Variants in SPTBN2 observed in about 807,000 individuals in gnomAD.
The protein encoded by SPTBN2 is spectrin beta, non-erythrocytic 2, also known as spectrin beta chain, non-erythrocytic 2.
In SPTBN2, 107 loss-of-function variants were observed where a neutral mutation model predicts 284.2. The observed-to-expected ratio is 0.38, with a 90% confidence interval of 0.32 to 0.44. The LOEUF (loss-of-function observed/expected upper bound fraction) is 0.44, where lower values mean the gene tolerates loss of function less well. SPTBN2 is among the 20% of genes least tolerant of loss of function. The probability of loss-of-function intolerance (pLI) is 1.00; values close to 1 mark genes in which losing one functional copy is unlikely to be tolerated. For synonymous variants in SPTBN2, 1,289 were observed against 1,354.8 expected, an observed-to-expected ratio of 0.95 and a Z score of 1.07; for missense variants, 2,569 against 3,287.1, an observed-to-expected ratio of 0.78 and a Z score of 5.34.
At position 66,687,132 on chromosome 11, in the gene SPTBN2, C is replaced by G; in HGVS notation, c.6758G>C (p.Gly2253Ala). 1 of 1,614,060 alleles carries G rather than the reference C, an allele frequency of 6.2e-7. No homozygotes were observed. Among genetic ancestry groups the G allele is most frequent in the South Asian group, 1.1e-5 (1 of 91,090 alleles). The change falls in exon 36 of 38, where the codon GGG becomes GCG. Residue 2253 changes from glycine to alanine, a missense_variant. Coordinates refer to ENST00000533211, the MANE Select transcript of SPTBN2 (RefSeq NM_006946.4). The surrounding 1 kb of genome is among the most constrained non-coding windows in gnomAD (Gnocchi z 5.2). ...GGCATCCTTGTAAAAGCCGAGGCTCCCACGCCGCAGGACACAGTACACGTT... is the reference window on the plus strand; with the variant it reads ...GGCATCCTTGTAAAAGCCGAGGCTCGCACGCCGCAGGACACAGTACACGTT... ...WQNVYCVLRR[G>A]SLGFYKDAKA...
chr11:66,715,189 A>G lies in SPTBN2; in HGVS notation c.483+33T>C. 1 of 1,613,980 alleles carries G rather than the reference A, an allele frequency of 6.2e-7. No homozygotes were observed. Among genetic ancestry groups the G allele is most frequent in the South Asian group, 1.1e-5 (1 of 91,078 alleles). ...GCTTGCGGTGCAGAGCCAGGGCAGG[A>G]ACCACACCCTGTGTGACAGTGTGCT... On this transcript the variant is annotated intron_variant, in intron 5 of 37. Transcript: ENST00000533211. This position sits in a 1 kb window ranked among gnomAD's most constrained non-coding sequence, Gnocchi z 5.3.
intron 3 of SPTBN2, among the ~76,000 whole-genome samples, chr11:66,716,772 T>C (rs1218515018): frequency 6.6e-6 from 1 of 152,204 alleles, no homozygotes; most frequent in Non-Finnish European, 1.5e-5. Flanking sequence ...GCTGCTGTTA[T>C]AAAGTGGTGT....
chr11:66,721,029 G>A (rs562273757), intron 3 of SPTBN2, 55 bp downstream of exon 3: 93 of 1,611,898 alleles, frequency 5.8e-5, no homozygotes, highest in South Asian at 4.4e-4. Flanking sequence ...TCTTCATGAC[G>A]AGCTGACAAA....
In SPTBN2 at chr11:66,693,572, G is replaced by T; in HGVS notation, c.4594-126C>A. ...CCTCTGCTCCCTCTCCTAGCCTGGG[G>T]GTGCGATGGTAACACCCGTCAGCCG... On this transcript the variant is annotated intron_variant, in intron 23 of 37. Transcript: ENST00000533211. The surrounding 1 kb of genome is among the most constrained non-coding windows in gnomAD (Gnocchi z 5.7). The T allele has an allele frequency of 6.8e-7, 1 of 1,475,474 alleles. No homozygotes were observed. Among genetic ancestry groups the T allele is most frequent in the Non-Finnish European group, 9.1e-7 (1 of 1,094,532 alleles). The allele number at this position is 1,475,474 out of a possible 1,614,324, so 91.4% of individuals were successfully genotyped here. A position where few individuals can be genotyped will look rare whatever the true frequency, so the allele number is the denominator to read the frequency against.
chr11:66,716,608 T>G (rs532653320), intron 3 of SPTBN2, among the ~76,000 whole-genome samples: 1 of 152,164 alleles, frequency 6.6e-6, no homozygotes, highest in Non-Finnish European at 1.5e-5. Context: ...AGCAGTGGAA[T>G]GCTGGTCAAG....
rs1338081362 is a variant in SPTBN2 at position 66,700,659 on chromosome 11, A to T, written c.3440T>A (p.Leu1147Gln). The T allele has an allele frequency of 6.2e-7, 1 of 1,607,528 alleles. No individual in the cohort carries two copies. Among genetic ancestry groups the T allele is most frequent in the Non-Finnish European group, 8.5e-7 (1 of 1,179,930 alleles). The change falls in exon 17 of 38, where the codon CTG (leucine) becomes CAG (glutamine). Residue 1147 changes from leucine to glutamine, a missense_variant. Leu to Gln is a moderately radical substitution (Grantham distance 113). This residue lies in a region of SPTBN2 where 1,012 missense variants were observed against 1,248.9 expected (regional missense o/e 0.81). Coordinates refer to ENST00000533211, the MANE Select transcript of SPTBN2 (RefSeq NM_006946.4). The surrounding 1 kb of genome is among the most constrained non-coding windows in gnomAD (Gnocchi z 6.6). Reference protein sequence around the residue: ...DPQCLFLRQRLEALGTGWEEL... With the variant: ...DPQCLFLRQRQEALGTGWEEL... ...CTCCCAGCCAGTTCCCAGGGCCTCC[A>T]GTCGCTGTCGTAGGAAGAGGCACTG... is the stretch of plus-strand genomic sequence containing the variant.
Position 66,715,105 on chromosome 11 carries a change from T to G in SPTBN2, c.483+117A>C. 1 of 1,336,432 alleles carries G rather than the reference T, an allele frequency of 7.5e-7. No individual in the cohort carries two copies. Among genetic ancestry groups the G allele is most frequent in the Non-Finnish European group, 1.1e-6 (1 of 946,168 alleles). The allele number at this position is 1,336,432 out of a possible 1,614,324, so 82.8% of individuals were successfully genotyped here. On this transcript the variant is annotated intron_variant, in intron 5 of 37. Transcript: ENST00000533211. This position sits in a 1 kb window ranked among gnomAD's most constrained non-coding sequence, Gnocchi z 5.3. ...TGGATAGCGCCGCCATGGCAGCTGC[T>G]ACATAAGGTTCTAGATCCTCCATCT...
At position 66,704,945 on chromosome 11, in the gene SPTBN2, G is replaced by A. The variant is rs746800875; in HGVS notation, c.2331C>T (p.His777=). 88 of 1,610,632 alleles carry A rather than the reference G, an allele frequency of 5.5e-5. No homozygotes were observed. Among genetic ancestry groups the A allele is most frequent in the Admixed American group, 2.7e-4 (16 of 60,010 alleles). ...LRLVSSPELG[H]DEFSTQALAR... The stretch of plus-strand genomic sequence containing the variant: ...CTAGAGCCTGCGTGGAGAACTCGTC[G>A]TGCCCCAGCTCGGGGCTGGACACCA... Residue 777 remains histidine (H), a synonymous_variant, in exon 15 of 38, where the codon CAC becomes CAT. Transcript: ENST00000533211.
Position 66,691,108 on chromosome 11 carries a change from C to T in SPTBN2, c.5565+176G>A, listed in dbSNP as rs1173001662. On this transcript the variant is annotated intron_variant, in intron 27 of 37. Transcript: ENST00000533211. The surrounding 1 kb of genome is among the most constrained non-coding windows in gnomAD (Gnocchi z 8.0). ...CTGGGATTACAGGCGAGAGCCACCGCGCCTGGCCAAACAGAGATGTTTTCT... is the reference window on the plus strand; with the variant it reads ...CTGGGATTACAGGCGAGAGCCACCGTGCCTGGCCAAACAGAGATGTTTTCT... 3.9e-5 allele frequency among the ~76,000 whole-genome samples: 6 copies of T among 152,168 alleles called. No homozygotes were observed. The highest frequency in any genetic ancestry group is 1.2e-4 in the African/African-American group (5 of 41,442).
intron 1 of SPTBN2, among the ~76,000 whole-genome samples, chr11:66,736,073 A>G (rs2135609014): frequency 6.6e-6 from 1 of 152,316 alleles, no homozygotes; most frequent in African/African-American, 2.4e-5. Context: ...ATAATCAAGT[A>G]TTCGAAAGCA....
At chr11:66,704,433 C>T (rs1317159907) in intron 15 of SPTBN2, among the ~76,000 whole-genome samples, 165 bp downstream of exon 15, 1 of 152,138 alleles carries the variant, frequency 6.6e-6, no homozygotes, top group East Asian at 1.9e-4. Context: ...TGAAATGTCT[C>T]TACTTGTGAG....
rs368974603 is a variant in SPTBN2, at chr11:66,687,549, G to A, written c.6600C>T (p.Thr2200=). Residue 2200 remains threonine (T), a synonymous_variant, in exon 35 of 38, where the codon ACC becomes ACT. Coordinates refer to ENST00000533211, the MANE Select transcript of SPTBN2 (RefSeq NM_006946.4). This position sits in a 1 kb window ranked among gnomAD's most constrained non-coding sequence, Gnocchi z 5.2. ...APSAMPQSRS[T]ESAHAATLPP... is the part of the protein sequence containing the mutation. ...GCAGGGTGGCAGCATGGGCTGACTC[G>A]GTAGACCTGCTCTGGGGCATTGCAG... 6.0e-5 allele frequency: 96 copies of A among 1,612,098 alleles called. No individual in the cohort carries two copies. The highest frequency in any genetic ancestry group is 2.0e-4 in the Admixed American group (12 of 59,990).
rs1951351347 is a variant in SPTBN2 at position 66,693,557 on chromosome 11, C to T, written c.4594-111G>A. 6.6e-7 allele frequency: 1 copy of T among 1,509,710 alleles called. No homozygotes were observed. Among genetic ancestry groups the T allele is most frequent in the Admixed American group, 2.0e-5 (1 of 50,900 alleles). 93.5% of individuals were successfully genotyped at this position (1,509,710 alleles called of 1,614,324 possible). ...CTCTCCTTCCTGGGTCCTCTGCTCCCTCTCCTAGCCTGGGGGTGCGATGGT... is the reference window on the plus strand; with the variant it reads ...CTCTCCTTCCTGGGTCCTCTGCTCCTTCTCCTAGCCTGGGGGTGCGATGGT... On this transcript the variant is annotated intron_variant, in intron 23 of 37. Coordinates refer to ENST00000533211, the MANE Select transcript of SPTBN2 (RefSeq NM_006946.4). This position sits in a 1 kb window ranked among gnomAD's most constrained non-coding sequence, Gnocchi z 5.7.
At chr11:66,738,057 A>T (rs898639325) in intron 1 of SPTBN2, among the ~76,000 whole-genome samples, 6 of 152,302 alleles carry the variant, frequency 3.9e-5, no homozygotes, top group Admixed American at 1.3e-4. Context: ...TCTATGAAAA[A>T]TACAAAAATT....
intron 20 of SPTBN2, among the ~76,000 whole-genome samples, chr11:66,697,708 G>A (rs1222376804): frequency 6.6e-6 from 1 of 152,102 alleles, no homozygotes; most frequent in Non-Finnish European, 1.5e-5. Context: ...CTTCAACGGG[G>A]CCACTCTCAC....
In SPTBN2 at chr11:66,717,678, C is replaced by T. The variant is rs967062395; in HGVS notation, c.158-1697G>A. Among the ~76,000 whole-genome samples the T allele has an allele frequency of 7.9e-5, 12 of 152,198 alleles. No individual in the cohort carries two copies. The South Asian group carries it at 1.4e-3, about 18-fold the overall frequency. ...CCATTGCTGGATCCAGGGGCACTGC[C>T]CTACTGCTGGGCACCCTGGGGTGAG... On this transcript the variant is annotated intron_variant, in intron 3 of 37. Transcript: ENST00000533211.
In SPTBN2 at chr11:66,721,363, T is replaced by C; in HGVS notation, c.-36A>G. ...TTCTTGCCCTACCTGTGCTCCGCTCTCCTTGTGGCCAGAGGCTGCGGTTGG... is the reference window on the plus strand; with the variant it reads ...TTCTTGCCCTACCTGTGCTCCGCTCCCCTTGTGGCCAGAGGCTGCGGTTGG... On this transcript the variant is annotated 5_prime_UTR_variant, in exon 2 of 38. Transcript: ENST00000533211. 5.1e-6 allele frequency: 7 copies of C among 1,369,596 alleles called. No homozygotes were observed. The highest frequency in any genetic ancestry group is 6.2e-6 in the Non-Finnish European group (6 of 968,288). The allele number at this position is 1,369,596 out of a possible 1,614,324, so 84.8% of individuals were successfully genotyped here. A position where few individuals can be genotyped will look rare whatever the true frequency, so the allele number is the denominator to read the frequency against.
At chr11:66,727,047 T>C (rs536506892) in intron 1 of SPTBN2, among the ~76,000 whole-genome samples, 20 of 152,270 alleles carry the variant, frequency 1.3e-4, no homozygotes, top group Middle Eastern at 3.4e-3. Context: ...TCTTCTAGAA[T>C]CCTCCAGTTA....
Position 66,691,181 on chromosome 11 carries a change from T to G in SPTBN2, c.5565+103A>C. ...AATGGCCCTCGAAAGAGTGCCGTCC[T>G]CCCAGCATTTCTGAGCTCTACCCTA... On this transcript the variant is annotated intron_variant, in intron 27 of 37. Transcript: ENST00000533211. This position sits in a 1 kb window ranked among gnomAD's most constrained non-coding sequence, Gnocchi z 8.0. 7.0e-7 allele frequency: 1 copy of G among 1,429,846 alleles called. No homozygotes were observed. The highest frequency in any genetic ancestry group is 9.3e-7 in the Non-Finnish European group (1 of 1,080,658). The allele number at this position is 1,429,846 out of a possible 1,614,324, so 88.6% of individuals were successfully genotyped here.
Sources: allele counts gnomAD v4.1 joint callset (sites outside exome capture counted in the v4.1 genomes callset), GRCh38; gene constraint gnomAD v4.1.1; regional missense constraint gnomAD v4.1.1; non-coding constraint Gnocchi (gnomAD v3.1); transcripts MANE v1.5; gene names NCBI Gene and HGNC (gene_info 2026-07-23, HGNC 2026-07-21).